Variants in PBLD observed in about 807,000 individuals in gnomAD.
The protein encoded by PBLD is phenazine biosynthesis like protein domain containing, also known as phenazine biosynthesis-like domain-containing protein.
In PBLD, 26 loss-of-function variants were observed where a neutral mutation model predicts 31.3. That is an observed-to-expected ratio of 0.83 (90% CI 0.61 to 1.15). The LOEUF is 1.15. Among genes scored for constraint, PBLD ranks in the 50% most tolerant of loss-of-function variants. The probability of loss-of-function intolerance (pLI) is 0.00; values close to 1 mark genes in which losing one functional copy is unlikely to be tolerated. For missense variants in PBLD, 307 were observed against 351.7 expected, an observed-to-expected ratio of 0.87 and a Z score of 1.02; for synonymous variants, 114 against 129.0, an observed-to-expected ratio of 0.88 and a Z score of 0.79.
intron 1 of PBLD, among the ~76,000 whole-genome samples, chr10:68,319,075 G>GAA (rs1461356785): frequency 1.7e-5 from 2 of 120,592 alleles, no homozygotes; most frequent in African/African-American, 3.6e-5. Context: ...AAGAAAGAAA[G>GAA]AAAGAAAGAA....
At chr10:68,295,296 C>A (rs745454470) in intron 4 of PBLD, among the ~76,000 whole-genome samples, 1 of 151,754 alleles carries the variant, frequency 6.6e-6, no homozygotes, top group Non-Finnish European at 1.5e-5. Context: ...AATTTGAGAC[C>A]AGCCTGGGCA....
chr10:68,315,653 C>T (rs1334239208), intron 1 of PBLD, among the ~76,000 whole-genome samples: 1 of 151,846 alleles, frequency 6.6e-6, no homozygotes, highest in East Asian at 1.9e-4. Flanking sequence ...ATACATAGGG[C>T]TCTGCATATA....
chr10:68,306,617 G>T, intron 2 of PBLD, 144 bp downstream of exon 2: 1 of 621,632 alleles, frequency 1.6e-6, no homozygotes, highest in Non-Finnish European at 2.6e-6. Context: ...AAATCAACTT[G>T]CATACATGAA....
chr10:68,288,675 A>C lies in PBLD; in HGVS notation c.513-14T>G. On this transcript the variant is annotated splice_polypyrimidine_tract_variant and intron_variant, in intron 7 of 9. Transcript: ENST00000358769. ...TCCAGAAACGACCTTGTTCATAAACAAGATGGATTAGGACAAACCCATTTC... is the reference window on the plus strand; with the variant it reads ...TCCAGAAACGACCTTGTTCATAAACCAGATGGATTAGGACAAACCCATTTC... 5.0e-6 allele frequency: 8 copies of C among 1,612,638 alleles called. 1 individual carries two copies. The highest frequency in any genetic ancestry group is 6.8e-6 in the Non-Finnish European group (8 of 1,179,224).
chr10:68,288,803 TC>T, intron 7 of PBLD, 127 bp downstream of exon 7: 1 of 1,274,744 alleles, frequency 7.8e-7, no homozygotes, highest in East Asian at 2.3e-5. Flanking sequence ...TGTCTTCCTA[TC>T]AGGGAAAGAA....
chr10:68,303,136 C>T (rs1163351052), intron 2 of PBLD, among the ~76,000 whole-genome samples: 2 of 151,874 alleles, frequency 1.3e-5, no homozygotes, highest in Non-Finnish European at 1.5e-5. Flanking sequence ...TGCAGTGGTG[C>T]TCTCTGGGCT....
intron 1 of PBLD, among the ~76,000 whole-genome samples, chr10:68,311,909 C>T (rs1442734080): frequency 6.6e-6 from 1 of 152,236 alleles, no homozygotes; most frequent in Admixed American, 6.5e-5. Context: ...CTGGCTGCCA[C>T]TGTCCAGCAT....
intron 1 of PBLD, among the ~76,000 whole-genome samples, chr10:68,330,719 T>TG (rs2045038214): frequency 2.6e-5 from 1 of 38,772 alleles, no homozygotes. Context: ...CGTGTGTGTG[T>TG]GTGTGTGTGT....
chr10:68,296,136 A>C lies in PBLD; in HGVS notation c.283+130T>G. 4.7e-6 allele frequency: 3 copies of C among 640,424 alleles called. No individual in the cohort carries two copies. In the East Asian group the frequency reaches 8.4e-5, roughly 18 times the overall value. 39.7% of individuals were successfully genotyped at this position (640,424 alleles called of 1,614,324 possible). On this transcript the variant is annotated intron_variant, in intron 4 of 9. Coordinates refer to ENST00000358769, the MANE Select transcript of PBLD (RefSeq NM_022129.4). Reference sequence around the variant, plus strand: ...CGCTGGTTTTGTTTCTGCATTATGAATAGCATGAAGTAAACTCTGCAGAGT... The same window carrying C: ...CGCTGGTTTTGTTTCTGCATTATGACTAGCATGAAGTAAACTCTGCAGAGT...
chr10:68,301,984 C>T (rs184232099), intron 2 of PBLD, among the ~76,000 whole-genome samples: 18 of 152,322 alleles, frequency 1.2e-4, no homozygotes, highest in African/African-American at 4.3e-4. Context: ...ACATGTACCA[C>T]TGGCAGCTGG....
Position 68,285,330 on chromosome 10 carries a change from G to A in PBLD, c.754+18C>T. ...GAATTAGGCAAATAAAAAAGAAATT[G>A]GTAAAGAGCTGTCCTACCATGCATT... On this transcript the variant is annotated intron_variant, in intron 9 of 9. Transcript: ENST00000358769. The A allele has an allele frequency of 1.9e-6, 3 of 1,613,878 alleles. No individual in the cohort carries two copies. The highest frequency in any genetic ancestry group is 2.5e-6 in the Non-Finnish European group (3 of 1,179,884).
In PBLD at chr10:68,299,728, C is replaced by T. The variant is rs189147962; in HGVS notation, c.85-2743G>A. On this transcript the variant is annotated intron_variant, in intron 2 of 9. Coordinates refer to ENST00000358769, the MANE Select transcript of PBLD (RefSeq NM_022129.4). ...AAAATTAGCCAGGAGTGGTGGTGCG[C>T]GCCTGTAATCCCAGCTACTCAGGAG... is the stretch of plus-strand genomic sequence containing the variant. 1.1e-4 allele frequency among the ~76,000 whole-genome samples: 16 copies of T among 151,940 alleles called. 1 individual carries two copies. The highest frequency in any genetic ancestry group is 2.7e-4 in the African/African-American group (11 of 41,466).
chr10:68,292,752 C>G (rs1303809687), intron 4 of PBLD, among the ~76,000 whole-genome samples: 1 of 152,144 alleles, frequency 6.6e-6, no homozygotes, highest in African/African-American at 2.4e-5. Flanking sequence ...TCAAGTGATA[C>G]ACCCACCTCG....
chr10:68,322,470 A>G (rs2044850001), intron 1 of PBLD, among the ~76,000 whole-genome samples: 1 of 151,402 alleles, frequency 6.6e-6, no homozygotes, highest in Non-Finnish European at 1.5e-5. Flanking sequence ...AGACCAGGCT[A>G]GGCAACATAG....
intron 1 of PBLD, among the ~76,000 whole-genome samples, chr10:68,312,520 C>T (rs1426957452): frequency 6.6e-6 from 1 of 151,328 alleles, no homozygotes; most frequent in African/African-American, 2.4e-5. Context: ...TGCCTTTTGT[C>T]CATTTTTTAA....
chr10:68,332,582 A>G (rs1352587332), intron 1 of PBLD, among the ~76,000 whole-genome samples: 1 of 151,980 alleles, frequency 6.6e-6, no homozygotes, highest in Admixed American at 6.6e-5. Context: ...AGCTTCCGAA[A>G]ACTGATCTAG....
At chr10:68,332,126 T>C (rs774960777) in intron 1 of PBLD, 2 of 152,264 alleles carry the variant, frequency 1.3e-5, no homozygotes, top group Non-Finnish European at 2.9e-5. Flanking sequence ...GGAGAACCGT[T>C]GTGGCGAGCG....
intron 1 of PBLD, among the ~76,000 whole-genome samples, chr10:68,321,064 C>T (rs1464887548): frequency 6.6e-6 from 1 of 151,842 alleles, no homozygotes; most frequent in Non-Finnish European, 1.5e-5. Flanking sequence ...TCAGGTGATC[C>T]ACCCACCTCG....
intron 8 of PBLD, chr10:68,287,008 A>G (rs1291147074): frequency 6.6e-6 from 1 of 151,976 alleles, no homozygotes; most frequent in Non-Finnish European, 1.5e-5. Flanking sequence ...AGTTGCCTGT[A>G]ATCCCAGCTA....
Sources: allele counts gnomAD v4.1 joint callset (sites outside exome capture counted in the v4.1 genomes callset), GRCh38; gene constraint gnomAD v4.1.1; transcripts MANE v1.5; gene names NCBI Gene and HGNC (gene_info 2026-07-23, HGNC 2026-07-21).